Variants in CCDC149 observed in about 807,000 individuals in gnomAD.
CCDC149 encodes the protein coiled-coil domain-containing protein 149.
CCDC149 carries 45 observed loss-of-function variants against 59.9 expected under a neutral mutation model. The ratio of observed to expected loss-of-function variants is 0.75; its 90% confidence interval spans 0.59 to 0.96. CCDC149 has a LOEUF of 0.96. Ranked by LOEUF, CCDC149 falls within the 40% of genes least tolerant of loss-of-function variation. The probability of loss-of-function intolerance (pLI) is 0.00; values close to 1 mark genes in which losing one functional copy is unlikely to be tolerated. For synonymous variants in CCDC149, 245 were observed against 260.6 expected, an observed-to-expected ratio of 0.94 and a Z score of 0.58; for missense variants, 584 against 664.7, an observed-to-expected ratio of 0.88 and a Z score of 1.33.
intron 1 of CCDC149, among the ~76,000 whole-genome samples, chr4:24,927,613 A>C (rs1722464331): frequency 6.6e-6 from 1 of 152,230 alleles, no homozygotes; most frequent in Non-Finnish European, 1.5e-5. Context: ...TCCACTTACA[A>C]ACAACCCCCT....
chr4:24,835,138 T>G, intron 7 of CCDC149, 106 bp from the exon 8 acceptor site: 1 of 681,934 alleles, frequency 1.5e-6, no homozygotes, highest in African/African-American at 1.8e-5. Context: ...CCTTGCAAAC[T>G]CCAAGTGCTA....
intron 1 of CCDC149, among the ~76,000 whole-genome samples, chr4:24,905,821 G>A (rs1464850286): frequency 6.6e-6 from 1 of 152,152 alleles, no homozygotes; most frequent in East Asian, 1.9e-4. Context: ...CTTACAACTA[G>A]GAGTGGCCGT....
chr4:24,912,056 C>T (rs1721905892), intron 1 of CCDC149, among the ~76,000 whole-genome samples: 1 of 152,198 alleles, frequency 6.6e-6, no homozygotes, highest in African/African-American at 2.4e-5. Context: ...AATCCGCATT[C>T]CCTCTCACCT....
At chr4:24,873,233 A>C (rs1719165629) in intron 3 of CCDC149, among the ~76,000 whole-genome samples, 1 of 151,642 alleles carries the variant, frequency 6.6e-6, no homozygotes, top group African/African-American at 2.4e-5. Context: ...CCCATAGGAG[A>C]GTATACAGCC....
rs530625717 is a variant in CCDC149 at position 24,862,758 on chromosome 4, C to T, written c.265-9579G>A. The stretch of plus-strand genomic sequence containing the variant: ...CATATATTTCCTGGTTGCTTTCCCA[C>T]AATTCGTCATCACTCAAAGCCCAAA... On this transcript the variant is annotated intron_variant, in intron 3 of 12. Transcript: ENST00000635206. Among the ~76,000 whole-genome samples the T allele has an allele frequency of 6.3e-4, 96 of 152,330 alleles. 3 individuals are homozygous for T. In the South Asian group the frequency reaches 7.9e-3, roughly 12 times the overall value.
chr4:24,859,389 T>C (rs908056455), intron 3 of CCDC149, among the ~76,000 whole-genome samples: 4 of 152,076 alleles, frequency 2.6e-5, no homozygotes, highest in Non-Finnish European at 5.9e-5. Context: ...TGTAACCCCC[T>C]TGAGCATCCC....
chr4:24,823,924 T>C (rs1715564300), intron 9 of CCDC149, among the ~76,000 whole-genome samples: 1 of 152,346 alleles, frequency 6.6e-6, no homozygotes, highest in Non-Finnish European at 1.5e-5. Context: ...GACCCTTCAA[T>C]AGACACTATC....
intron 1 of CCDC149, among the ~76,000 whole-genome samples, chr4:24,895,682 G>A (rs1452652406): frequency 6.6e-6 from 1 of 152,158 alleles, no homozygotes; most frequent in East Asian, 1.9e-4. Context: ...TCTTTACAAT[G>A]GGCATGGGGT....
At chr4:24,927,984 C>T (rs1722475205) in intron 1 of CCDC149, among the ~76,000 whole-genome samples, 1 of 152,192 alleles carries the variant, frequency 6.6e-6, no homozygotes, top group African/African-American at 2.4e-5. Context: ...TATAAAATGG[C>T]TCACCCCTTT....
At chr4:24,954,450 A>C (rs1242285294) in intron 1 of CCDC149, among the ~76,000 whole-genome samples, 1 of 152,168 alleles carries the variant, frequency 6.6e-6, no homozygotes, top group Non-Finnish European at 1.5e-5. Context: ...ACTATCCAAG[A>C]TATCCTTTTA....
chr4:24,943,145 C>A (rs1007835016), intron 1 of CCDC149, among the ~76,000 whole-genome samples: 2 of 152,164 alleles, frequency 1.3e-5, no homozygotes, highest in African/African-American at 4.8e-5. Context: ...TGACTTCAAA[C>A]TATACTACAA....
At chr4:24,941,399 G>A (rs573037640) in intron 1 of CCDC149, among the ~76,000 whole-genome samples, 4,499 of 152,228 alleles carry the variant, frequency 0.03, 208 homozygotes, top group African/African-American at 0.1. Context: ...TCAAAGCAGT[G>A]TGTAGAGGGA....
chr4:24,961,682 C>A (rs1723639658), intron 1 of CCDC149, among the ~76,000 whole-genome samples: 2 of 152,156 alleles, frequency 1.3e-5, no homozygotes, highest in Admixed American at 6.5e-5. Context: ...TGATCTTTGA[C>A]AAACCTGACA....
chr4:24,825,946 TTTG>T (rs1009326280), intron 9 of CCDC149, among the ~76,000 whole-genome samples: 4 of 151,426 alleles, frequency 2.6e-5, no homozygotes, highest in African/African-American at 9.7e-5. Context: ...GAAGAGGTTT[TTTG>T]TTGTTGTTTT....
intron 12 of CCDC149, among the ~76,000 whole-genome samples, chr4:24,818,164 G>A (rs1715135504): frequency 6.6e-6 from 1 of 152,160 alleles, no homozygotes; most frequent in Non-Finnish European, 1.5e-5. Context: ...AAAGAGTTGA[G>A]TGAAAGGCCA....
intron 1 of CCDC149, among the ~76,000 whole-genome samples, chr4:24,878,714 G>A (rs1219405831): frequency 2.0e-5 from 3 of 152,262 alleles, no homozygotes; most frequent in Admixed American, 2.0e-4. Flanking sequence ...CGTGCCTTCC[G>A]ACTTAGGGGA....
chr4:24,977,342 A>G (rs1318879674), intron 1 of CCDC149, among the ~76,000 whole-genome samples: 5 of 152,182 alleles, frequency 3.3e-5, no homozygotes, highest in Admixed American at 6.5e-5. Context: ...TCTACTAAGC[A>G]CAGACAAAAG....
At chr4:24,885,927 A>T (rs1577451153) in intron 1 of CCDC149, among the ~76,000 whole-genome samples, 1 of 152,224 alleles carries the variant, frequency 6.6e-6, no homozygotes, top group Non-Finnish European at 1.5e-5. Flanking sequence ...CAGTAACAGT[A>T]GCAGCCACTA....
chr4:24,970,401 G>A (rs1248671628), intron 1 of CCDC149, among the ~76,000 whole-genome samples: 1 of 152,176 alleles, frequency 6.6e-6, no homozygotes, highest in East Asian at 1.9e-4. Context: ...TTTGGACAAA[G>A]GACACCTCAA....
Sources: allele counts gnomAD v4.1 joint callset (sites outside exome capture counted in the v4.1 genomes callset), GRCh38; gene constraint gnomAD v4.1.1; transcripts MANE v1.5; gene names NCBI Gene and HGNC (gene_info 2026-07-23, HGNC 2026-07-21).